Variants in SPG11 observed in about 807,000 individuals in gnomAD.
SPG11 encodes SPG11 vesicle trafficking associated, spatacsin.
SPG11 carries 222 observed loss-of-function variants against 274.0 expected under a neutral mutation model. The ratio of observed to expected loss-of-function variants is 0.81; its 90% CI spans 0.73 to 0.91. SPG11 has a LOEUF of 0.91. SPG11 is among the 40% of genes least tolerant of loss of function. SPG11 has a pLI of 0.00. For synonymous variants in SPG11, 1,144 were observed against 1,039.7 expected (o/e 1.10, Z -1.93); for missense variants, 3,114 against 2,872.7 (o/e 1.08, Z -1.92).
chr15:44,584,431 G>A lies in SPG11; in HGVS notation c.5249C>T (p.Ser1750Phe), dbSNP rs1051920299. ...CACATGGGCCTGGGTTGAGAAAAAG[G>A]AAGAAGCTGCTTTGCTTGAAATTGA... ...KNSISSKAAS[S>F]FFSTQAHVAC... is the part of the protein sequence containing the mutation. The change falls in exon 30 of 40, where the codon TCC becomes TTC. Residue 1750 changes from serine (S) to phenylalanine (F), a missense_variant. Coordinates refer to ENST00000261866, the MANE Select transcript of SPG11 (RefSeq NM_025137.4). 8.1e-6 allele frequency: 13 copies of A among 1,614,092 alleles called. No homozygotes were observed. The highest frequency in any genetic ancestry group is 1.0e-5 in the Non-Finnish European group (12 of 1,180,040).
chr15:44,606,175 G>T, intron 19 of SPG11, 84 bp from the exon 20 acceptor site: 1 of 1,194,234 alleles, frequency 8.4e-7, no homozygotes, highest in East Asian at 2.5e-5. Context: ...GGACTTCAGA[G>T]GTAGTCTGCT....
At position 44,628,724 on chromosome 15, in the gene SPG11, T is replaced by G. The variant is rs189306815; in HGVS notation, c.2012A>C (p.His671Pro). Residue 671 changes from histidine (H) to proline (P), a missense_variant, in exon 10 of 40, where the codon CAT becomes CCT. By Grantham distance (77) the His-to-Pro change is moderately conservative (BLOSUM62 -2). Coordinates refer to ENST00000261866, the MANE Select transcript of SPG11 (RefSeq NM_025137.4). Reference sequence around the variant, plus strand: ...CTCCTTTACTTTGGGGACATTTTCATGTACATCATATTCATCTATAGCATC... The same window carrying G: ...CTCCTTTACTTTGGGGACATTTTCAGGTACATCATATTCATCTATAGCATC... ...LTDAIDEYDV[H>P]ENVPKVKESN... The G allele has an allele frequency of 2.5e-6, 4 of 1,613,728 alleles. No homozygotes were observed. Among genetic ancestry groups the G allele is most frequent in the Non-Finnish European group, 1.7e-6 (2 of 1,179,942 alleles).
chr15:44,652,144 G>A lies in SPG11; in HGVS notation c.992C>T (p.Ser331Phe). Residue 331 changes from serine to phenylalanine, a missense_variant, in exon 5 of 40, where the codon TCC becomes TTC. By Grantham distance (155) the Ser-to-Phe change is radical. Coordinates refer to ENST00000261866, the MANE Select transcript of SPG11 (RefSeq NM_025137.4). ...SAYNMKLAKF[S>F]FQIDRSWKAQ... ...GTTTCTGTACCTATCAATTTGGAAG[G>A]AAAACTTGGCCAGTTTCATGTTGTA... The A allele has an allele frequency of 1.2e-6, 2 of 1,614,128 alleles. No individual in the cohort carries two copies. Among genetic ancestry groups the A allele is most frequent in the Non-Finnish European group, 1.7e-6 (2 of 1,180,008 alleles).
intron 1 of SPG11, 31 bp downstream of exon 1, chr15:44,663,357 TCCC>T (rs770271880): frequency 6.3e-7 from 1 of 1,596,052 alleles, no homozygotes. Context: ...GGCTCTGGAC[TCCC>T]CCAACGGCCC....
At position 44,589,949 on chromosome 15, in the gene SPG11, G is replaced by A. The variant is rs576806425; in HGVS notation, c.4744-535C>T. Among the ~76,000 whole-genome samples the A allele has an allele frequency of 5.9e-5, 9 of 152,314 alleles. No individual in the cohort carries two copies. In the South Asian group the frequency reaches 1.7e-3, roughly 28 times the overall value. ...AGCCTCCTGAGTAGCTGGGATTACA[G>A]GCACACGCCACCACGCCTGGCTAAT... On this transcript the variant is annotated intron_variant, in intron 27 of 39. Coordinates refer to ENST00000261866, the MANE Select transcript of SPG11 (RefSeq NM_025137.4).
rs312262717 is a variant in SPG11 at position 44,659,103 on chromosome 15, C to CA, written c.642dup (p.Val215CysfsTer4). ...CAGATCCAGCCTAAACTACTCAAAA[C>CA]AAAAAGAATTCCTCTGCAGAGCTGC... On this transcript the variant is annotated frameshift_variant, in exon 3 of 40. Coordinates refer to ENST00000261866, the MANE Select transcript of SPG11 (RefSeq NM_025137.4). LOFTEE classifies it high-confidence loss of function. 2 of 1,614,178 alleles carry CA rather than the reference C, an allele frequency of 1.2e-6. No individual in the cohort carries two copies. The highest frequency in any genetic ancestry group is 1.7e-6 in the Non-Finnish European group (2 of 1,180,018).
At position 44,573,734 on chromosome 15, in the gene SPG11, A is replaced by G; in HGVS notation, c.6018T>C (p.Cys2006=). 6.2e-7 allele frequency: 1 copy of G among 1,614,210 alleles called. No individual in the cohort carries two copies. The highest frequency in any genetic ancestry group is 8.5e-7 in the Non-Finnish European group (1 of 1,180,026). The change falls in exon 32 of 40, where the codon TGT becomes TGC. Residue 2006 remains cysteine, a synonymous_variant. Transcript: ENST00000261866. The part of the protein sequence containing the change: ...CLYDLAKELG[C]SYTDVAAQDG... ...CCTGAGCAGCAACATCTGTGTAGGA[A>G]CAGCCCAACTCCTGAGAGGAAGACA...
rs770619204 is a variant in SPG11 at position 44,585,738 on chromosome 15, A to G, written c.5019T>C (p.Cys1673=). Reference sequence around the variant, plus strand: ...TCTGCAGTCTTTCCAAAATAGATCTACATTCATGCTGAAGATTCTCAATGC... The same window carrying G: ...TCTGCAGTCTTTCCAAAATAGATCTGCATTCATGCTGAAGATTCTCAATGC... ...SYSIENLQHE[C]RSILERLQTD... Residue 1673 remains cysteine, a synonymous_variant, in exon 29 of 40, where the codon TGT becomes TGC. Transcript: ENST00000261866. 2 of 1,613,988 alleles carry G rather than the reference A, an allele frequency of 1.2e-6. No homozygotes were observed. Among genetic ancestry groups the G allele is most frequent in the East Asian group, 4.5e-5 (2 of 44,900 alleles).
chr15:44,609,005 TTC>T (rs1228497321), intron 18 of SPG11, among the ~76,000 whole-genome samples: 1 of 152,206 alleles, frequency 6.6e-6, no homozygotes, highest in Non-Finnish European at 1.5e-5. Flanking sequence ...TGACTGTAAT[TTC>T]TGACAGATGA....
At chr15:44,566,080 C>G (rs74363814) in intron 37 of SPG11, 71 bp from the exon 38 acceptor site, 2 of 1,597,784 alleles carry the variant, frequency 1.3e-6, no homozygotes, top group Non-Finnish European at 1.7e-6. Flanking sequence ...ACCCTCACAA[C>G]GGTATTCACC....
At chr15:44,611,016 T>G in intron 17 of SPG11, 31 bp from the exon 18 acceptor site, 1 of 1,586,350 alleles carries the variant, frequency 6.3e-7, no homozygotes, top group Non-Finnish European at 8.6e-7. Context: ...TTTTTCTCCT[T>G]AAGAGGGATA....
intron 38 of SPG11, 63 bp from the exon 39 acceptor site, chr15:44,564,761 C>CTGT (rs2082275691): frequency 6.4e-7 from 1 of 1,572,894 alleles, no homozygotes; most frequent in Admixed American, 1.7e-5. Flanking sequence ...CAAAAACAAA[C>CTGT]TGTTGTAGAA....
chr15:44,584,604 AG>A (rs2082720558), intron 29 of SPG11, 46 bp from the exon 30 acceptor site: 5 of 1,591,932 alleles, frequency 3.1e-6, no homozygotes, highest in Middle Eastern at 1.7e-4. Flanking sequence ...TGGATAAAAA[AG>A]TATCATAAAT....
At chr15:44,660,104 A>G (rs2085061200) in intron 2 of SPG11, among the ~76,000 whole-genome samples, 1 of 152,170 alleles carries the variant, frequency 6.6e-6, no homozygotes, top group Non-Finnish European at 1.5e-5. Flanking sequence ...ATTTTCTGGT[A>G]GCCACATTGA....
At chr15:44,593,710 GATTT>G (rs1368120178) in intron 26 of SPG11, among the ~76,000 whole-genome samples, 1 of 150,650 alleles carries the variant, frequency 6.6e-6, no homozygotes, top group Non-Finnish European at 1.5e-5. Context: ...TGTGAGCCTT[GATTT>G]ATTAGTCTGT....
intron 7 of SPG11, among the ~76,000 whole-genome samples, chr15:44,642,709 A>T (rs115400608): frequency 0.025 from 3,870 of 151,788 alleles, 153 homozygotes; most frequent in African/African-American, 0.083. Flanking sequence ...AAAAAAAAAA[A>T]AATAATAAAA....
At chr15:44,576,684 G>T (rs1414477981) in intron 30 of SPG11, among the ~76,000 whole-genome samples, 1 of 151,902 alleles carries the variant, frequency 6.6e-6, no homozygotes, top group African/African-American at 2.4e-5. Context: ...CTATCTATAT[G>T]TACTGAGAGG....
chr15:44,567,420 T>G lies in SPG11; in HGVS notation c.6754+4A>C, dbSNP rs1567127076. 1.9e-6 allele frequency: 3 copies of G among 1,597,674 alleles called. No individual in the cohort carries two copies. The South Asian group carries it at 3.3e-5, about 18-fold the overall frequency. ...TCTGGTAGTGTGGCTGTGACCTCAC[T>G]CACCCCAGGGCTGAGACTCAATCAA... On this transcript the variant is annotated splice_donor_region_variant and intron_variant, in intron 36 of 39. Coordinates refer to ENST00000261866, the MANE Select transcript of SPG11 (RefSeq NM_025137.4).
chr15:44,621,657 C>A, intron 14 of SPG11, 102 bp downstream of exon 14: 1 of 1,161,930 alleles, frequency 8.6e-7, no homozygotes, highest in East Asian at 2.4e-5. Context: ...TATTATTTCC[C>A]GAAAGGAATT....
Sources: gnomAD v4.1 joint callset for allele counts (sites outside exome capture counted in the v4.1 genomes callset) on GRCh38, gnomAD v4.1.1 for gene constraint, MANE v1.5 for transcripts, NCBI Gene and HGNC (gene_info 2026-07-23, HGNC 2026-07-21) for gene names.